The following VWF variants were observed in gnomAD, a reference collection of about 807,000 sequenced individuals.
VWF encodes the protein von Willebrand factor, also known as Factor VIII related antigen.
A neutral mutation model predicts 308.6 loss-of-function variants in VWF; 176 were observed. That is an observed-to-expected ratio of 0.57 (90% CI 0.50 to 0.65). VWF has a LOEUF of 0.65. VWF is among the 30% of genes least tolerant of loss of function. The pLI is 0.00. For synonymous variants in VWF, 1,385 were observed against 1,443.4 expected, an observed-to-expected ratio of 0.96 and a Z score of 0.92; for missense variants, 3,146 against 3,648.2, an observed-to-expected ratio of 0.86 and a Z score of 3.55.
chr12:6,101,571 T>C (rs1172046089), intron 5 of VWF, among the ~76,000 whole-genome samples: 2 of 149,914 alleles, frequency 1.3e-5, no homozygotes, highest in Non-Finnish European at 3.0e-5. Context: ...CGTCAGGAGA[T>C]TGAGACCAGC....
intron 41 of VWF, 32 bp from the exon 42 acceptor site, chr12:5,982,023 G>A (rs1258191190): frequency 6.2e-7 from 1 of 1,607,022 alleles, no homozygotes; most frequent in South Asian, 1.1e-5. Flanking sequence ...ACTGAGCACT[G>A]CGCCCAGCCA....
intron 15 of VWF, among the ~76,000 whole-genome samples, chr12:6,054,410 G>C (rs1408030328): frequency 6.6e-6 from 1 of 152,162 alleles, no homozygotes; most frequent in African/African-American, 2.4e-5. Flanking sequence ...CAATGACAAG[G>C]GCACATTTTA....
In VWF at chr12:6,060,523, C is replaced by G. The variant is rs563974671; in HGVS notation, c.1533+2431G>C. Among the ~76,000 whole-genome samples, 54 of 152,172 alleles carry G rather than the reference C, an allele frequency of 3.5e-4. No individual in the cohort carries two copies. The highest frequency in any genetic ancestry group is 3.2e-4 in the Non-Finnish European group (22 of 68,020). On this transcript the variant is annotated intron_variant, in intron 13 of 51. Coordinates refer to ENST00000261405, the MANE Select transcript of VWF (RefSeq NM_000552.5). This position sits in a 1 kb window ranked among gnomAD's most constrained non-coding sequence, Gnocchi z 5.1. ...ACCTCCTGCCCCAACTCAAACACCC[C>G]CTTTCCTGCTTCATAATAAAACCCA...
chr12:6,072,476 C>T (rs750182253), intron 8 of VWF, 34 bp from the exon 9 acceptor site: 71 of 1,531,092 alleles, frequency 4.6e-5, no homozygotes, highest in South Asian at 2.2e-4. Flanking sequence ...AAGGCCTCAA[C>T]ATTGTCATTG....
At chr12:6,113,864 C>T (rs1476574109) in intron 3 of VWF, among the ~76,000 whole-genome samples, 1 of 152,168 alleles carries the variant, frequency 6.6e-6, no homozygotes. Flanking sequence ...TACACACAGC[C>T]CAGAGTGAGC....
chr12:5,985,555 A>C lies in VWF; in HGVS notation c.6901+8T>G, dbSNP rs926264146. On this transcript the variant is annotated splice_region_variant and intron_variant, in intron 39 of 51. Coordinates refer to ENST00000261405, the MANE Select transcript of VWF (RefSeq NM_000552.5). ...CCATGAAGGCACCAGGGAGGGGAGG[A>C]CTCTCACCTTTGGCCGTGGGGCAGG... is the stretch of plus-strand genomic sequence containing the variant. 1 of 1,612,548 alleles carries C rather than the reference A, an allele frequency of 6.2e-7. No homozygotes were observed. Among genetic ancestry groups the C allele is most frequent in the Non-Finnish European group, 8.5e-7 (1 of 1,179,414 alleles).
chr12:6,009,169 T>A (rs1328077971), intron 34 of VWF, among the ~76,000 whole-genome samples: 1 of 149,692 alleles, frequency 6.7e-6, no homozygotes, highest in African/African-American at 2.5e-5. Context: ...TGGAAGAAAA[T>A]ATTTGCAAAC....
At chr12:6,115,510 C>G (rs1157369154) in intron 3 of VWF, among the ~76,000 whole-genome samples, 2 of 152,216 alleles carry the variant, frequency 1.3e-5, no homozygotes, top group East Asian at 3.9e-4. Flanking sequence ...TCATATTTAC[C>G]CTTGCCGTGT....
intron 47 of VWF, among the ~76,000 whole-genome samples, chr12:5,963,104 A>G (rs1943338321): frequency 6.6e-6 from 1 of 152,246 alleles, no homozygotes; most frequent in African/African-American, 2.4e-5. Flanking sequence ...AGCACTAACC[A>G]TAAAAGAAAA....
chr12:6,110,477 G>A lies in VWF; in HGVS notation c.429C>T (p.Ser143=), dbSNP rs202062122. 67 of 1,614,156 alleles carry A rather than the reference G, an allele frequency of 4.2e-5. No homozygotes were observed. The Admixed American group carries it at 4.2e-4, about 10-fold the overall frequency. ...AYGFVARIDG[S]GNFQVLLSDR... ...CTGACAGCAGGACTTGAAAGTTGCC[G>A]CTGCCATCGATCCTGGCCACAAAGC... The change falls in exon 5 of 52, where the codon AGC becomes AGT. Residue 143 remains serine (S), a synonymous_variant. Coordinates refer to ENST00000261405, the MANE Select transcript of VWF (RefSeq NM_000552.5).
rs760828829 is a variant in VWF, at chr12:6,016,208, C to T, written c.5336G>A (p.Arg1779Gln). The T allele has an allele frequency of 3.1e-6, 5 of 1,614,170 alleles. No individual in the cohort carries two copies. The highest frequency in any genetic ancestry group is 3.3e-4 in the Middle Eastern group (2 of 6,062). ...ACCATGCATTTCTGAAGTCAAGTAT[C>T]GCACAGCAAAGCCCAAGGCATCCCC... is the stretch of plus-strand genomic sequence containing the variant. ...QIGDALGFAVRYLTSEMHGAR... is the reference protein window; with the variant it reads ...QIGDALGFAVQYLTSEMHGAR... Residue 1779 changes from arginine (R) to glutamine (Q), a missense_variant, in exon 31 of 52, where the codon CGA (arginine) becomes CAA (glutamine). This residue lies in a region of VWF where 853 missense variants were observed against 1,177.8 expected (regional missense o/e 0.72). Transcript: ENST00000261405.
At chr12:5,954,382 A>G (rs1403202645) in intron 47 of VWF, among the ~76,000 whole-genome samples, 2 of 152,222 alleles carry the variant, frequency 1.3e-5, no homozygotes, top group Admixed American at 6.5e-5. Flanking sequence ...TTTAAAGCCA[A>G]CTGTTCAAAA....
In VWF at chr12:5,971,580, C is replaced by T; in HGVS notation, c.7548+19G>A. On this transcript the variant is annotated intron_variant, in intron 44 of 51. Transcript: ENST00000261405. The stretch of plus-strand genomic sequence containing the variant: ...GGCCCCAATCTGCCCTCCTCCCCGT[C>T]CCGGGGGCCTGGACCTACACTCTTC... 6.2e-7 allele frequency: 1 copy of T among 1,608,602 alleles called. No individual in the cohort carries two copies. Among genetic ancestry groups the T allele is most frequent in the Non-Finnish European group, 8.5e-7 (1 of 1,175,248 alleles).
Position 6,075,845 on chromosome 12 carries a change from G to C in VWF, c.658-294C>G, listed in dbSNP as rs796961689. On this transcript the variant is annotated intron_variant, in intron 6 of 51. Coordinates refer to ENST00000261405, the MANE Select transcript of VWF (RefSeq NM_000552.5). The surrounding 1 kb of genome is among the most constrained non-coding windows in gnomAD (Gnocchi z 4.7). ...GGCAGTGTCCTAGGAACGGACAGAG[G>C]ATGGAGAGAAGCACAAAGAGCATGC... Among the ~76,000 whole-genome samples the C allele has an allele frequency of 3.3e-5, 5 of 152,346 alleles. No individual in the cohort carries two copies. Among genetic ancestry groups the C allele is most frequent in the African/African-American group, 9.6e-5 (4 of 41,568 alleles).
At chr12:5,951,731 A>T in intron 50 of VWF, 113 bp downstream of exon 50, 1 of 1,162,162 alleles carries the variant, frequency 8.6e-7, no homozygotes, top group Non-Finnish European at 1.3e-6. Flanking sequence ...AATAAAGCTT[A>T]CTCCAAAGAA....
chr12:5,987,172 C>T (rs1298479046), intron 38 of VWF, among the ~76,000 whole-genome samples: 1 of 152,184 alleles, frequency 6.6e-6, no homozygotes, highest in Admixed American at 6.5e-5. Context: ...AAGTGATCCA[C>T]CTGCCTCAGC....
At chr12:6,079,759 C>T (rs898898161) in intron 6 of VWF, among the ~76,000 whole-genome samples, 5 of 152,058 alleles carry the variant, frequency 3.3e-5, no homozygotes, top group Non-Finnish European at 7.4e-5. Flanking sequence ...GGTGTCCAAG[C>T]CCATATAAAA....
At chr12:5,980,087 AAAGAAAGGAAGGAAGGAAGGAAGGAAGG>A (rs1455285768) in intron 42 of VWF, among the ~76,000 whole-genome samples, 10 of 78,446 alleles carry the variant, frequency 1.3e-4, no homozygotes, top group African/African-American at 4.0e-4. Flanking sequence ...GAAAGAAAAG[AAAGAAAGGAAGGAAGGAAGGAAGGAAGG>A]AAGGAAGGAA....
intron 34 of VWF, among the ~76,000 whole-genome samples, chr12:5,998,327 A>T (rs906208249): frequency 2.0e-5 from 3 of 150,656 alleles, no homozygotes; most frequent in South Asian, 2.1e-4. Context: ...TGAAACCCCA[A>T]CTCTACTAAA....
Sources: allele counts gnomAD v4.1 joint callset (sites outside exome capture counted in the v4.1 genomes callset), GRCh38; gene constraint gnomAD v4.1.1; regional missense constraint gnomAD v4.1.1; non-coding constraint Gnocchi (gnomAD v3.1); transcripts MANE v1.5; gene names NCBI Gene and HGNC (gene_info 2026-07-23, HGNC 2026-07-21).